ITGA1: variants seen among roughly 807,000 people sequenced by gnomAD.
The protein encoded by ITGA1 is integrin alpha-1.
ITGA1 carries 85 observed loss-of-function variants against 145.9 expected under a neutral mutation model. The observed-to-expected ratio is 0.58, with a 90% CI of 0.49 to 0.70. The LOEUF (loss-of-function observed/expected upper bound fraction) is 0.70, where lower values mean the gene tolerates loss of function less well. Ranked by LOEUF, ITGA1 falls within the 30% of genes least tolerant of loss-of-function variation. The pLI is 0.00. For synonymous variants in ITGA1, 520 were observed against 495.3 expected, an observed-to-expected ratio of 1.05 and a Z score of -0.66; for missense variants, 1,351 against 1,418.7, an observed-to-expected ratio of 0.95 and a Z score of 0.77.
intron 18 of ITGA1, among the ~76,000 whole-genome samples, chr5:52,924,515 G>C (rs1352213327): frequency 6.6e-6 from 1 of 152,252 alleles, no homozygotes; most frequent in Non-Finnish European, 1.5e-5. Flanking sequence ...AAAGGCAGGG[G>C]CCGGGTCATT....
chr5:52,801,541 C>T, intron 1 of ITGA1: 1 of 1,614,160 alleles, frequency 6.2e-7, no homozygotes, highest in Non-Finnish European at 8.5e-7. Flanking sequence ...AATGTTACAG[C>T]ATGAACCGGA....
At chr5:52,897,969 A>G (rs1750255615) in intron 10 of ITGA1, among the ~76,000 whole-genome samples, 1 of 152,166 alleles carries the variant, frequency 6.6e-6, no homozygotes, top group South Asian at 2.1e-4. Context: ...ATGAAAGAAA[A>G]GGCATAATGG....
chr5:52,863,769 G>A (rs1749642594), intron 3 of ITGA1, among the ~76,000 whole-genome samples: 3 of 152,126 alleles, frequency 2.0e-5, no homozygotes, highest in African/African-American at 4.8e-5. Flanking sequence ...TTCCACTGTA[G>A]TCCCTAATTG....
chr5:52,950,275 C>G (rs1485541480), intron 28 of ITGA1, among the ~76,000 whole-genome samples: 1 of 152,124 alleles, frequency 6.6e-6, no homozygotes, highest in Non-Finnish European at 1.5e-5. Flanking sequence ...CCTGAAGTTC[C>G]TCAACTGATG....
rs1236158000 is a variant in ITGA1, at chr5:52,929,666, C to A, written c.2736C>A (p.Leu912=). Residue 912 remains leucine (L), a synonymous_variant, in exon 21 of 29, where the codon CTC becomes CTA. Transcript: ENST00000282588. ...TGTTTCAGTTTAACACATCCTATCTCATGGAAAATGTGACCATTTATTTAA... is the reference window on the plus strand; with the variant it reads ...TGTTTCAGTTTAACACATCCTATCTAATGGAAAATGTGACCATTTATTTAA... The part of the protein sequence containing the change: ...KILFQFNTSY[L]MENVTIYLSA... 2 of 1,591,010 alleles carry A rather than the reference C, an allele frequency of 1.3e-6. No individual in the cohort carries two copies. Among genetic ancestry groups the A allele is most frequent in the East Asian group, 4.5e-5 (2 of 44,604 alleles).
intron 2 of ITGA1, among the ~76,000 whole-genome samples, chr5:52,850,204 G>GTC (rs1171414195): frequency 1.3e-5 from 2 of 151,962 alleles, no homozygotes; most frequent in African/African-American, 4.8e-5. Flanking sequence ...GTTTCACCAT[G>GTC]TTGGTCAGGC....
intron 14 of ITGA1, among the ~76,000 whole-genome samples, chr5:52,911,029 T>C (rs202095688): frequency 0.059 from 375 of 6,354 alleles, no homozygotes; most frequent in South Asian, 0.13. Flanking sequence ...ATATAGTATG[T>C]ATACTGTATA....
chr5:52,801,311 T>C lies in ITGA1; in HGVS notation c.61+12897T>C, dbSNP rs186460209. 6.8e-6 allele frequency: 8 copies of C among 1,171,760 alleles called. No individual in the cohort carries two copies. In the Admixed American group the frequency reaches 7.1e-5, roughly 10 times the overall value. The allele number at this position is 1,171,760 out of a possible 1,614,324, so 72.6% of individuals were successfully genotyped here. A position where few individuals can be genotyped will look rare whatever the true frequency, so the allele number is the denominator to read the frequency against. On this transcript the variant is annotated intron_variant, in intron 1 of 28. Transcript: ENST00000282588. ...ATGGAGTAAACTTCGCTGAAACATA[T>C]GAAGCCTTACTAGCGCTTTTGGCTT...
intron 1 of ITGA1, among the ~76,000 whole-genome samples, chr5:52,831,701 G>A (rs534437185): frequency 1.3e-5 from 2 of 151,722 alleles, no homozygotes; most frequent in South Asian, 2.1e-4. Flanking sequence ...AATTCTTTGA[G>A]GGCAGAGACA....
intron 1 of ITGA1, among the ~76,000 whole-genome samples, chr5:52,848,626 G>C (rs904932137): frequency 1.3e-5 from 2 of 151,988 alleles, no homozygotes; most frequent in Non-Finnish European, 2.9e-5. Flanking sequence ...TGTGCACAAT[G>C]TGCAAGTTTG....
intron 1 of ITGA1, among the ~76,000 whole-genome samples, chr5:52,791,067 A>T (rs895871617): frequency 1.1e-4 from 17 of 152,238 alleles, no homozygotes; most frequent in African/African-American, 3.6e-4. Context: ...TTCCTATTTG[A>T]TTTAGACTGT....
At chr5:52,886,768 G>T (rs1047706885) in intron 7 of ITGA1, among the ~76,000 whole-genome samples, 1 of 151,736 alleles carries the variant, frequency 6.6e-6, no homozygotes, top group Non-Finnish European at 1.5e-5. Context: ...ATTCAAATTC[G>T]GTTTTTTGTT....
At chr5:52,923,376 G>C (rs113414044) in intron 18 of ITGA1, among the ~76,000 whole-genome samples, 2,265 of 152,040 alleles carry the variant, frequency 0.015, 69 homozygotes, top group African/African-American at 0.051. Flanking sequence ...GAAGCTCCCA[G>C]GCCGTCTATA....
chr5:52,937,345 C>A, intron 23 of ITGA1, 56 bp from the exon 24 acceptor site: 1 of 1,172,018 alleles, frequency 8.5e-7, no homozygotes, highest in Non-Finnish European at 1.3e-6. Context: ...CTACATAAGA[C>A]AGAAGAATTC....
At chr5:52,860,473 G>C (rs534172787) in intron 2 of ITGA1, among the ~76,000 whole-genome samples, 1 of 152,334 alleles carries the variant, frequency 6.6e-6, no homozygotes. Flanking sequence ...TTGGACCCAG[G>C]AGGCGGAGGT....
intron 3 of ITGA1, among the ~76,000 whole-genome samples, 195 bp downstream of exon 3, chr5:52,861,754 C>CAGCT (rs1001936917): frequency 6.6e-6 from 1 of 151,520 alleles, no homozygotes; most frequent in Admixed American, 6.6e-5. Context: ...ACTGTAGTCC[C>CAGCT]AGCTACTCAA....
In ITGA1 at chr5:52,887,056, G is replaced by A. The variant is rs569173090; in HGVS notation, c.774-759G>A. ...CCTCCCTGAAATTCAGGGTTTTTTT[G>A]CAGTTAGGTTATAGCATTTTCCCCT... On this transcript the variant is annotated intron_variant, in intron 7 of 28. Coordinates refer to ENST00000282588, the MANE Select transcript of ITGA1 (RefSeq NM_181501.2). Among the ~76,000 whole-genome samples, 11 of 151,772 alleles carry A rather than the reference G, an allele frequency of 7.2e-5. No individual in the cohort carries two copies. The South Asian group carries it at 2.1e-3, about 29-fold the overall frequency.
At chr5:52,907,194 C>G (rs1437545340) in intron 12 of ITGA1, among the ~76,000 whole-genome samples, 1 of 152,138 alleles carries the variant, frequency 6.6e-6, no homozygotes, top group Non-Finnish European at 1.5e-5. Context: ...AGGTCAGCTC[C>G]TCAAGTATCA....
chr5:52,890,860 C>T (rs1750135763), intron 8 of ITGA1, among the ~76,000 whole-genome samples: 1 of 152,120 alleles, frequency 6.6e-6, no homozygotes. Context: ...TTAACTAACC[C>T]CTCTTCATCC....
Sources: allele counts gnomAD v4.1 joint callset (sites outside exome capture counted in the v4.1 genomes callset), GRCh38; gene constraint gnomAD v4.1.1; transcripts MANE v1.5; gene names NCBI Gene and HGNC (gene_info 2026-07-23, HGNC 2026-07-21).